HECW1: variants seen among roughly 807,000 people sequenced by gnomAD.
HECW1 encodes the protein HECT, C2 and WW domain containing E3 ubiquitin protein ligase 1, also known as E3 ubiquitin-protein ligase HECW1.
In HECW1, 61 loss-of-function variants were observed where a neutral mutation model predicts 182.3. The observed-to-expected ratio is 0.33, with a 90% confidence interval of 0.27 to 0.41. The LOEUF (loss-of-function observed/expected upper bound fraction) is 0.41, where lower values mean the gene tolerates loss of function less well. HECW1 is among the 10% of genes least tolerant of loss of function. HECW1 has a pLI of 1.00. For missense variants in HECW1, 1,739 were observed against 2,108.9 expected, an observed-to-expected ratio of 0.82 and a Z score of 3.44; for synonymous variants, 859 against 832.6, an observed-to-expected ratio of 1.03 and a Z score of -0.55.
chr7:43,448,867 G>A (rs763751572), intron 11 of HECW1, among the ~76,000 whole-genome samples: 4 of 152,332 alleles, frequency 2.6e-5, no homozygotes, highest in South Asian at 2.1e-4. Context: ...AGGTTCTGGC[G>A]GGTTTCAACA....
intron 8 of HECW1, among the ~76,000 whole-genome samples, chr7:43,433,927 C>T (rs1322222859): frequency 6.6e-6 from 1 of 152,146 alleles, no homozygotes; most frequent in Admixed American, 6.5e-5. Context: ...CCCAAGGATG[C>T]CCAGGATTGG....
At chr7:43,514,245 T>C (rs1218013016) in intron 24 of HECW1, among the ~76,000 whole-genome samples, 4 of 152,210 alleles carry the variant, frequency 2.6e-5, no homozygotes, top group Admixed American at 2.0e-4. Flanking sequence ...GTCTGTTGTG[T>C]CTTTGATGAC....
At chr7:43,183,747 T>C (rs1793091437) in intron 2 of HECW1, among the ~76,000 whole-genome samples, 1 of 152,208 alleles carries the variant, frequency 6.6e-6, no homozygotes, top group Non-Finnish European at 1.5e-5. Flanking sequence ...GTTTGATACT[T>C]TCATTTATCT....
chr7:43,450,140 C>T (rs1167300863), intron 11 of HECW1, among the ~76,000 whole-genome samples: 1 of 151,952 alleles, frequency 6.6e-6, no homozygotes, highest in African/African-American at 2.4e-5. Context: ...TATCTACTTC[C>T]TTTGTCTCTT....
At chr7:43,503,397 T>C (rs1196498481) in intron 21 of HECW1, among the ~76,000 whole-genome samples, 1 of 152,220 alleles carries the variant, frequency 6.6e-6, no homozygotes, top group Non-Finnish European at 1.5e-5. Flanking sequence ...AATGTGCCTA[T>C]GCTTTGGTCT....
rs1264460417 is a variant in HECW1 at position 43,137,560 on chromosome 7, ATTTATTTG to A, written c.-32+23170_-32+23177del. Among the ~76,000 whole-genome samples the A allele has an allele frequency of 4.2e-3, 577 of 136,978 alleles. 1 individual carries two copies. Among genetic ancestry groups the A allele is most frequent in the African/African-American group, 0.014 (544 of 39,476 alleles). The allele number at this position is 136,978 out of a possible 152,430, so 89.9% of individuals were successfully genotyped here. ...TATTTATTTATTTATTTATTTATTT[ATTTATTTG>A]AGACAGGGTCTTGCTCTGTCATCCA... On this transcript the variant is annotated intron_variant, in intron 2 of 29. Transcript: ENST00000395891.
chr7:43,362,936 G>T (rs1159891939), intron 6 of HECW1, among the ~76,000 whole-genome samples: 2 of 152,236 alleles, frequency 1.3e-5, no homozygotes, highest in Non-Finnish European at 1.5e-5. Context: ...GGGGAGAGGA[G>T]TTCCTCACCT....
chr7:43,334,093 G>A (rs371451264), intron 5 of HECW1, among the ~76,000 whole-genome samples: 5 of 152,336 alleles, frequency 3.3e-5, no homozygotes, highest in African/African-American at 1.2e-4. Flanking sequence ...GTCAATGGTT[G>A]TGCATAGCCA....
chr7:43,388,879 T>A (rs73099602), intron 6 of HECW1, among the ~76,000 whole-genome samples: 4,061 of 152,104 alleles, frequency 0.027, 152 homozygotes, highest in African/African-American at 0.085. Context: ...TCTTGATGAG[T>A]TTGAACCAGG....
At chr7:43,447,966 A>G (rs2077113329) in intron 11 of HECW1, among the ~76,000 whole-genome samples, 1 of 151,856 alleles carries the variant, frequency 6.6e-6, no homozygotes, top group Admixed American at 6.6e-5. Flanking sequence ...TCTCTACTAA[A>G]AAAAAAAAAA....
intron 7 of HECW1, among the ~76,000 whole-genome samples, chr7:43,402,316 C>T (rs932043162): frequency 1.9e-4 from 29 of 152,302 alleles, no homozygotes; most frequent in African/African-American, 6.0e-4. Flanking sequence ...GATGCTACCG[C>T]GGGGCCGGAG....
intron 24 of HECW1, among the ~76,000 whole-genome samples, chr7:43,520,180 T>C (rs1245533597): frequency 6.6e-6 from 1 of 152,234 alleles, no homozygotes; most frequent in Non-Finnish European, 1.5e-5. Flanking sequence ...GTTCTACACA[T>C]GAGCTCCTGG....
intron 24 of HECW1, among the ~76,000 whole-genome samples, chr7:43,517,174 A>C (rs905505727): frequency 6.6e-6 from 1 of 152,222 alleles, no homozygotes; most frequent in Non-Finnish European, 1.5e-5. Context: ...GCTGTTAATC[A>C]GTTTCTCTGC....
chr7:43,155,761 T>C (rs944231559), intron 2 of HECW1, among the ~76,000 whole-genome samples: 1 of 152,242 alleles, frequency 6.6e-6, no homozygotes, highest in Non-Finnish European at 1.5e-5. Flanking sequence ...ACTGATTTTA[T>C]GAAATTGACT....
chr7:43,230,886 A>T (rs1378173333), intron 2 of HECW1, among the ~76,000 whole-genome samples: 1 of 141,882 alleles, frequency 7.0e-6, no homozygotes, highest in East Asian at 2.1e-4. Context: ...GCCAAGATTT[A>T]AAAAAAATAA....
chr7:43,429,974 A>G (rs2076490259), intron 8 of HECW1, among the ~76,000 whole-genome samples: 1 of 152,190 alleles, frequency 6.6e-6, no homozygotes, highest in African/African-American at 2.4e-5. Context: ...CTCCACTTCT[A>G]ATTGGTATTC....
At chr7:43,193,064 T>C (rs915105284) in intron 2 of HECW1, among the ~76,000 whole-genome samples, 2 of 152,240 alleles carry the variant, frequency 1.3e-5, no homozygotes, top group South Asian at 2.1e-4. Flanking sequence ...CTGGAACTGA[T>C]GGTCCCTCCC....
chr7:43,247,817 AAGAG>A (rs201937285), intron 3 of HECW1, among the ~76,000 whole-genome samples: 6,427 of 137,222 alleles, frequency 0.047, 559 homozygotes, highest in African/African-American at 0.14. Context: ...AAAGAAAAGA[AAGAG>A]AGAGAAAGGT....
At chr7:43,392,530 C>G (rs560813142) in intron 6 of HECW1, among the ~76,000 whole-genome samples, 1 of 152,194 alleles carries the variant, frequency 6.6e-6, no homozygotes, top group African/African-American at 2.4e-5. Flanking sequence ...AAAATAAAGA[C>G]AATTTAACCC....
Sources: gnomAD v4.1 joint callset for allele counts (sites outside exome capture counted in the v4.1 genomes callset) on GRCh38, gnomAD v4.1.1 for gene constraint, MANE v1.5 for transcripts, NCBI Gene and HGNC (gene_info 2026-07-23, HGNC 2026-07-21) for gene names.